TBX10: variants seen among roughly 807,000 people sequenced by gnomAD.
TBX10 encodes the protein T-box transcription factor TBX10.
TBX10 carries 26 observed loss-of-function variants against 32.4 expected under a neutral mutation model. The ratio of observed to expected loss-of-function variants is 0.80; its 90% CI spans 0.59 to 1.11. TBX10 has a LOEUF of 1.11. Ranked by LOEUF, TBX10 falls within the 50% of genes most tolerant of loss-of-function variation. The pLI, the probability that TBX10 is intolerant of heterozygous loss-of-function variation, is 0.00. For synonymous variants in TBX10, 195 were observed against 203.1 expected (o/e 0.96, Z 0.34); for missense variants, 490 against 494.5 (o/e 0.99, Z 0.09).
rs749320539 is a variant in TBX10 at position 67,634,904 on chromosome 11, G to C, written c.289C>G (p.Pro97Ala). 63 of 1,613,412 alleles carry C rather than the reference G, an allele frequency of 3.9e-5. No homozygotes were observed. In the Middle Eastern group the frequency reaches 1.8e-3, roughly 47 times the overall value. The change falls in exon 3 of 8, where the codon CCC becomes GCC. Residue 97 changes from proline (P) to alanine (A), a missense_variant. Physicochemically the swap from Pro to Ala is conservative, Grantham distance 27. Coordinates refer to ENST00000335385, the MANE Select transcript of TBX10 (RefSeq NM_005995.5). ...VTKAGRRMFP[P>A]FQVKILGMDS... ...ATGCCCAGGATCTTCACCTGGAAGGGGGGGAACATCCTCCTGCGGGAGGGA... is the reference window on the plus strand; with the variant it reads ...ATGCCCAGGATCTTCACCTGGAAGGCGGGGAACATCCTCCTGCGGGAGGGA...
Position 67,631,476 on chromosome 11 carries a change from T to G in TBX10, c.*129A>C. On this transcript the variant is annotated 3_prime_UTR_variant, in exon 8 of 8. Transcript: ENST00000335385. ...CTGTGACCCTGGGCAGGTAGCCTCT[T>G]TCTCTAGACTTTCACCTACCCTGCT... 7.9e-7 allele frequency: 1 copy of G among 1,269,168 alleles called. No individual in the cohort carries two copies. The highest frequency in any genetic ancestry group is 1.1e-6 in the Non-Finnish European group (1 of 916,124). 78.6% of individuals were successfully genotyped at this position (1,269,168 alleles called of 1,614,324 possible).
chr11:67,639,851 T>C (rs563673356), upstream of TBX10, among the ~76,000 whole-genome samples: 2 of 152,226 alleles, frequency 1.3e-5, no homozygotes, highest in African/African-American at 4.8e-5. Context: ...CCTCTTCAAG[T>C]TCCTCCCTTC....
chr11:67,632,895 T>C (rs1855260037), intron 5 of TBX10, 53 bp downstream of exon 5: 5 of 1,613,778 alleles, frequency 3.1e-6, no homozygotes, highest in South Asian at 2.2e-5. Context: ...GGGCTCAGTC[T>C]CCACCCCTGT....
At chr11:67,632,193 T>C in intron 7 of TBX10, 125 bp downstream of exon 7, 1 of 1,128,160 alleles carries the variant, frequency 8.9e-7, no homozygotes, top group Admixed American at 1.7e-5. Context: ...CCCCTCCGTG[T>C]GTCCACACAG....
rs775575430 is a variant in TBX10 at position 67,632,653 on chromosome 11, G to A, written c.723C>T (p.Ile241=). ...AGCCTTTGGCAAAAGGGTTGCTGGC[G>A]ATTTTCAGCTGGGTGATCTGCAGGA... The part of the protein sequence containing the change: ...YQNHRITQLK[I]ASNPFAKGFR... The change falls in exon 6 of 8, where the codon ATC becomes ATT. Residue 241 remains isoleucine (I), a synonymous_variant. Coordinates refer to ENST00000335385, the MANE Select transcript of TBX10 (RefSeq NM_005995.5). 1.9e-6 allele frequency: 3 copies of A among 1,614,058 alleles called. No individual in the cohort carries two copies. The highest frequency in any genetic ancestry group is 2.2e-5 in the South Asian group (2 of 91,078).
Position 67,632,963 on chromosome 11 carries a change from G to A in TBX10, c.690C>T (p.Ala230=), listed in dbSNP as rs138686400. Residue 230 remains alanine (A), a synonymous_variant, in exon 5 of 8, where the codon GCC becomes GCT. Coordinates refer to ENST00000335385, the MANE Select transcript of TBX10 (RefSeq NM_005995.5). ...GTTCACCCACCCTGTGGTTCTGATA[G>A]GCTGTCACTGCTGTGAACTGGGTCT... is the stretch of plus-strand genomic sequence containing the variant. ...FTETQFTAVT[A]YQNHRITQLK... 188 of 1,614,196 alleles carry A rather than the reference G, an allele frequency of 1.2e-4. No homozygotes were observed. The highest frequency in any genetic ancestry group is 1.5e-4 in the Non-Finnish European group (180 of 1,180,020).
At chr11:67,633,756 CCTCTG>C (rs1393794837) in intron 4 of TBX10, among the ~76,000 whole-genome samples, 1 of 152,222 alleles carries the variant, frequency 6.6e-6, no homozygotes, top group African/African-American at 2.4e-5. Context: ...CCCTTCCGTA[CCTCTG>C]CTTCCTCTTT....
upstream of TBX10, among the ~76,000 whole-genome samples, chr11:67,640,828 C>T (rs753772437): frequency 3.3e-5 from 5 of 152,118 alleles, no homozygotes; most frequent in South Asian, 6.2e-4. Flanking sequence ...ATGTTCTGGG[C>T]GCAGCTGCAG....
chr11:67,633,440 T>G (rs1855271837), intron 4 of TBX10, among the ~76,000 whole-genome samples: 1 of 152,122 alleles, frequency 6.6e-6, no homozygotes. Context: ...TCCACACAGC[T>G]GCCCGGGAAG....
intron 4 of TBX10, 128 bp downstream of exon 4, chr11:67,634,061 C>T: frequency 7.0e-7 from 1 of 1,427,440 alleles, no homozygotes; most frequent in Non-Finnish European, 9.7e-7. Context: ...GCTCGCCACC[C>T]CGGCTCCCCG....
chr11:67,638,845 G>A (rs180923793), intron 1 of TBX10, among the ~76,000 whole-genome samples: 4 of 152,232 alleles, frequency 2.6e-5, no homozygotes, highest in African/African-American at 7.2e-5. Context: ...GTTGTCGCCC[G>A]GCTGCCCTGC....
At position 67,634,071 on chromosome 11, in the gene TBX10, G is replaced by C. The variant is rs530850469; in HGVS notation, c.549+118C>G. 1.5e-4 allele frequency: 163 copies of C among 1,121,306 alleles called. 2 individuals are homozygous for C. In the South Asian group the frequency reaches 2.5e-3, roughly 17 times the overall value. 69.5% of individuals were successfully genotyped at this position (1,121,306 alleles called of 1,614,324 possible). On this transcript the variant is annotated intron_variant, in intron 4 of 7. Transcript: ENST00000335385. ...GGTGAGCTCGCCACCCCGGCTCCCC[G>C]CCCTGCCTTGACCATCAGCAGCAGG...
intron 7 of TBX10, 65 bp from the exon 8 acceptor site, chr11:67,631,959 C>G: frequency 6.5e-7 from 1 of 1,543,192 alleles, no homozygotes; most frequent in Non-Finnish European, 8.8e-7. Flanking sequence ...CCCAGGCCTG[C>G]CCTGGTCCCT....
chr11:67,639,953 GCATCT>G (rs1309663609), upstream of TBX10, among the ~76,000 whole-genome samples: 1 of 152,192 alleles, frequency 6.6e-6, no homozygotes, highest in Non-Finnish European at 1.5e-5. Flanking sequence ...GGACGGCTGG[GCATCT>G]GCAGGGGTCC....
chr11:67,638,329 A>G (rs1295763559), intron 1 of TBX10, among the ~76,000 whole-genome samples: 1 of 152,234 alleles, frequency 6.6e-6, no homozygotes, highest in Non-Finnish European at 1.5e-5. Context: ...TGAGAAACAG[A>G]ACTATTATTT....
Position 67,635,117 on chromosome 11 carries a change from G to T in TBX10, c.154C>A (p.Pro52Thr), listed in dbSNP as rs147388176. Residue 52 changes from proline to threonine, a missense_variant, in exon 2 of 8, where the codon CCC becomes ACC. Pro to Thr is a conservative substitution (Grantham distance 38). This residue lies in a region of TBX10 where 307 missense variants were observed against 294.9 expected (regional missense o/e 1.04). Transcript: ENST00000335385. ...GGGTTCTTGGGGCCCTGCCCAGTGG[G>T]CTCGGCCACAGCTTGGGCCCCAGTA... ...SSTGAQAVAEPTGQGPKNPRV... is the reference protein window; with the variant it reads ...SSTGAQAVAETTGQGPKNPRV... 12 of 1,613,702 alleles carry T rather than the reference G, an allele frequency of 7.4e-6. No homozygotes were observed. The highest frequency in any genetic ancestry group is 1.0e-5 in the Non-Finnish European group (12 of 1,180,046).
At chr11:67,641,325 G>T (rs979045511), upstream of TBX10, among the ~76,000 whole-genome samples, 1 of 152,260 alleles carries the variant, frequency 6.6e-6, no homozygotes, top group East Asian at 1.9e-4. Context: ...CCACATGCAC[G>T]CAGACACACG....
In TBX10 at chr11:67,632,668, G is replaced by T. The variant is rs199979423; in HGVS notation, c.708C>A (p.Ile236=). ...TAVTAYQNHR[I]TQLKIASNPF... ...GGTTGCTGGCGATTTTCAGCTGGGT[G>T]ATCTGCAGGAGACAAAGTGCAGTTG... Residue 236 remains isoleucine (I), a splice_region_variant and synonymous_variant, in exon 6 of 8, where the codon ATC becomes ATA. Transcript: ENST00000335385. The T allele has an allele frequency of 6.2e-7, 1 of 1,614,022 alleles. No individual in the cohort carries two copies. The highest frequency in any genetic ancestry group is 8.5e-7 in the Non-Finnish European group (1 of 1,179,996).
In TBX10 at chr11:67,631,690, T is replaced by A; in HGVS notation, c.1073A>T (p.Asp358Val). The change falls in exon 8 of 8, where the codon GAT becomes GTT. Residue 358 changes from aspartate (D) to valine (V), a missense_variant. Asp to Val is a radical substitution (Grantham distance 152). Around this residue, in one of 3 missense-constraint regions of TBX10, gnomAD observed 177 missense variants for 176.6 expected, o/e 1.00. Transcript: ENST00000335385. ...YPLPNIRADR[D>V]QGGLPLPAGL... ...AGCTGGGAGAGGCAGGCCTCCTTGATCCCTATCAGCCCGGATGTTGGGGAG... is the reference window on the plus strand; with the variant it reads ...AGCTGGGAGAGGCAGGCCTCCTTGAACCCTATCAGCCCGGATGTTGGGGAG... 9 of 1,608,638 alleles carry A rather than the reference T, an allele frequency of 5.6e-6. No homozygotes were observed. The highest frequency in any genetic ancestry group is 7.6e-6 in the Non-Finnish European group (9 of 1,178,348).
Sources: gnomAD v4.1 joint callset for allele counts (sites outside exome capture counted in the v4.1 genomes callset) on GRCh38, gnomAD v4.1.1 for gene constraint, gnomAD v4.1.1 regional missense constraint, MANE v1.5 for transcripts, NCBI Gene and HGNC (gene_info 2026-07-23, HGNC 2026-07-21) for gene names.